Variants in PI4KA observed in about 807,000 individuals in gnomAD.
PI4KA encodes PI4-kinase alpha.
Under a neutral mutation model 271.4 loss-of-function variants are expected in PI4KA, and 122 were observed. That is an observed-to-expected ratio of 0.45 (90% confidence interval 0.39 to 0.52). The LOEUF (loss-of-function observed/expected upper bound fraction) is 0.52. PI4KA is among the 20% of genes least tolerant of loss of function. PI4KA has a pLI of 0.00. For synonymous variants in PI4KA, 1,041 were observed against 1,078.8 expected, an observed-to-expected ratio of 0.96 and a Z score of 0.69; for missense variants, 1,969 against 2,769.1, an observed-to-expected ratio of 0.71 and a Z score of 6.48.
chr22:20,848,523 T>C (rs1432069782), intron 1 of PI4KA, among the ~76,000 whole-genome samples: 2 of 152,042 alleles, frequency 1.3e-5, no homozygotes, highest in African/African-American at 4.8e-5. Flanking sequence ...ACAGACCAAA[T>C]AAACCCTCAC....
At chr22:20,848,809 A>G (rs1345855892) in intron 1 of PI4KA, among the ~76,000 whole-genome samples, 2 of 152,144 alleles carry the variant, frequency 1.3e-5, no homozygotes, top group East Asian at 3.8e-4. Context: ...AAAAAGCACA[A>G]GGGACAAAAG....
At chr22:20,855,150 CAA>C (rs361996) in intron 1 of PI4KA, among the ~76,000 whole-genome samples, 96 of 121,442 alleles carry the variant, frequency 7.9e-4, no homozygotes, top group Admixed American at 1.1e-3. Context: ...GAAACTGTCT[CAA>C]AAAAAAAAAA....
rs1408814772 is a variant in PI4KA, at chr22:20,819,700, T to A, written c.730A>T (p.Thr244Ser). 3.1e-6 allele frequency: 5 copies of A among 1,614,054 alleles called. No individual in the cohort carries two copies. In the South Asian group the frequency reaches 4.4e-5, roughly 14 times the overall value. Residue 244 changes from threonine (T) to serine (S), a missense_variant, in exon 6 of 55, where the codon ACT (threonine) becomes TCT (serine). Around this residue, in one of 13 missense-constraint regions of PI4KA, gnomAD observed 540 missense variants for 555.5 expected, o/e 0.97. Coordinates refer to ENST00000255882, the MANE Select transcript of PI4KA (RefSeq NM_058004.4). Reference sequence around the variant, plus strand: ...TTCAGGGTACCCTCCTGACAGACAGTCAGCAGATTGCTGGGGAGGATGGAG... The same window carrying A: ...TTCAGGGTACCCTCCTGACAGACAGACAGCAGATTGCTGGGGAGGATGGAG... ...FRSILPSNLL[T>S]VCQEGTLKRK...
chr22:20,758,649 C>A (rs1435463598), intron 23 of PI4KA, among the ~76,000 whole-genome samples: 2 of 152,036 alleles, frequency 1.3e-5, no homozygotes, highest in African/African-American at 4.8e-5. Context: ...ATGAGGGGAA[C>A]AGATCAATGA....
At chr22:20,787,412 C>G (rs1224532040) in intron 19 of PI4KA, 2 of 368,016 alleles carry the variant, frequency 5.4e-6, no homozygotes, top group African/African-American at 4.3e-5. Flanking sequence ...CTCTGTCACT[C>G]AAGCCTTTCT....
chr22:20,779,756 C>T lies in PI4KA; in HGVS notation c.2328+13437G>A, dbSNP rs560368734. 2.4e-5 allele frequency: 38 copies of T among 1,614,188 alleles called. No individual in the cohort carries two copies. The African/African-American group carries it at 3.9e-4, about 16-fold the overall frequency. On this transcript the variant is annotated intron_variant, in intron 19 of 54. Coordinates refer to ENST00000255882, the MANE Select transcript of PI4KA (RefSeq NM_058004.4). ...TGCTGAAAGACCAGGTCAACACTTT[C>T]GATAACATCTTCATAGCACCCGTTG...
Position 20,796,870 on chromosome 22 carries a change from G to A in PI4KA, c.2109-556C>T, listed in dbSNP as rs201863334. On this transcript the variant is annotated intron_variant, in intron 17 of 54. Coordinates refer to ENST00000255882, the MANE Select transcript of PI4KA (RefSeq NM_058004.4). ...TCTTGGCTGGCCCAATGTAAACCCC[G>A]GATGTGAAGCTGACATTGCCCCTTT... Among the ~76,000 whole-genome samples, 14 of 152,200 alleles carry A rather than the reference G, an allele frequency of 9.2e-5. No homozygotes were observed. In the East Asian group the frequency reaches 1.7e-3, roughly 19 times the overall value.
intron 52 of PI4KA, 49 bp from the exon 53 acceptor site, chr22:20,710,046 G>A (rs754350262): frequency 4.4e-6 from 5 of 1,141,628 alleles, no homozygotes; most frequent in Non-Finnish European, 6.7e-6. Context: ...CCTAGGTGGT[G>A]GCCCTGCCTG....
intron 7 of PI4KA, among the ~76,000 whole-genome samples, chr22:20,817,150 C>A (rs1052743313): frequency 1.3e-5 from 2 of 152,160 alleles, no homozygotes; most frequent in Non-Finnish European, 1.5e-5. Flanking sequence ...TGGAAAGCTT[C>A]CTACATTTAT....
intron 7 of PI4KA, among the ~76,000 whole-genome samples, chr22:20,814,259 G>A (rs909550847): frequency 6.6e-5 from 10 of 152,128 alleles, no homozygotes; most frequent in African/African-American, 2.4e-4. Context: ...GACAAATACT[G>A]TACGATCCCA....
At chr22:20,824,273 G>A in intron 4 of PI4KA, 53 bp downstream of exon 4, 1 of 1,086,036 alleles carries the variant, frequency 9.2e-7, no homozygotes, top group Admixed American at 1.7e-5. Context: ...ATCACTTTGG[G>A]ACTCTATTCA....
At chr22:20,755,290 G>A (rs565001644) in intron 23 of PI4KA, among the ~76,000 whole-genome samples, 44 of 152,214 alleles carry the variant, frequency 2.9e-4, no homozygotes, top group African/African-American at 9.2e-4. Context: ...TGTGTCATTC[G>A]GACAGGCCCC....
At chr22:20,841,626 T>C (rs1438349420) in intron 1 of PI4KA, among the ~76,000 whole-genome samples, 3 of 152,202 alleles carry the variant, frequency 2.0e-5, no homozygotes, top group African/African-American at 7.2e-5. Context: ...GGCAGAATAA[T>C]GGCACCTCAA....
chr22:20,767,691 G>A (rs1488616111), intron 19 of PI4KA, among the ~76,000 whole-genome samples: 3 of 151,408 alleles, frequency 2.0e-5, no homozygotes, highest in Non-Finnish European at 2.9e-5. Flanking sequence ...CTGGAGTGCC[G>A]AGGCACAACC....
At chr22:20,797,990 G>A (rs149892103) in intron 17 of PI4KA, among the ~76,000 whole-genome samples, 1 of 152,238 alleles carries the variant, frequency 6.6e-6, no homozygotes, top group African/African-American at 2.4e-5. Context: ...GTAAGGAATA[G>A]CCAAGAAGCA....
At chr22:20,781,735 T>C (rs1004370061) in intron 19 of PI4KA, among the ~76,000 whole-genome samples, 2 of 152,262 alleles carry the variant, frequency 1.3e-5, no homozygotes, top group Non-Finnish European at 2.9e-5. Flanking sequence ...ATGTACATGA[T>C]GAACACACAT....
At chr22:20,788,909 T>C (rs1934447135) in intron 19 of PI4KA, among the ~76,000 whole-genome samples, 1 of 152,210 alleles carries the variant, frequency 6.6e-6, no homozygotes, top group African/African-American at 2.4e-5. Context: ...AAAACCCTTT[T>C]AGTCCTTTGC....
chr22:20,806,914 A>G (rs1288629809), intron 10 of PI4KA, among the ~76,000 whole-genome samples: 1 of 151,780 alleles, frequency 6.6e-6, no homozygotes, highest in Non-Finnish European at 1.5e-5. Flanking sequence ...TTGTATTTTT[A>G]GTAGAGACAG....
chr22:20,821,846 C>A (rs560327625), intron 4 of PI4KA, among the ~76,000 whole-genome samples: 73 of 152,208 alleles, frequency 4.8e-4, no homozygotes, highest in African/African-American at 1.7e-3. Flanking sequence ...CCACCCACCT[C>A]GGCCTCCCAA....
Sources: gnomAD v4.1 joint callset for allele counts (sites outside exome capture counted in the v4.1 genomes callset) on GRCh38, gnomAD v4.1.1 for gene constraint, gnomAD v4.1.1 regional missense constraint, MANE v1.5 for transcripts, NCBI Gene and HGNC (gene_info 2026-07-23, HGNC 2026-07-21) for gene names.